The following POLE3 variants were observed in gnomAD, a reference collection of about 807,000 sequenced individuals.
The protein encoded by POLE3 is DNA polymerase epsilon 3, accessory subunit, also known as DNA polymerase epsilon subunit 3.
In POLE3, 10 loss-of-function variants were observed where a neutral mutation model predicts 16.1. The ratio of observed to expected loss-of-function variants is 0.62; its 90% CI spans 0.38 to 1.05. POLE3 has a LOEUF of 1.05. Among genes scored for constraint, POLE3 ranks in the 50% least tolerant of loss-of-function variants. The pLI is 0.01. For missense variants in POLE3, 169 were observed against 185.0 expected (o/e 0.91, Z 0.50); for synonymous variants, 83 against 71.0 (o/e 1.17, Z -0.85).
At chr9:113,410,730 G>T (rs903781738), upstream of POLE3, 16 of 232,696 alleles carry the variant, frequency 6.9e-5, no homozygotes, top group Non-Finnish European at 1.2e-4. Flanking sequence ...GGCTGACTCG[G>T]CGGGGCGGAT....
At chr9:113,409,842 G>A (rs1588094530) in intron 3 of POLE3, 114 bp from the exon 4 acceptor site, 2 of 818,794 alleles carry the variant, frequency 2.4e-6, no homozygotes, top group Middle Eastern at 3.1e-4. Flanking sequence ...GGATTTTGGT[G>A]TGACAGGGAT....
intron 3 of POLE3, 85 bp from the exon 4 acceptor site, chr9:113,409,813 G>T: frequency 1.1e-6 from 1 of 937,274 alleles, no homozygotes; most frequent in Non-Finnish European, 1.7e-6. Flanking sequence ...GAACGGGAAA[G>T]CCTGCCTCTT....
Position 113,407,585 on chromosome 9 carries a change from C to G in POLE3, c.*1226G>C, listed in dbSNP as rs2119030600. The stretch of plus-strand genomic sequence containing the variant: ...ATTAGCCAGGCTTGGTGGCACGCAT[C>G]TGTAGTCCCAGATACTCAGGAGGCT... On this transcript the variant is annotated 3_prime_UTR_variant, in exon 5 of 5. Transcript: ENST00000374171. 6.6e-6 allele frequency: 1 copy of G among 152,646 alleles called. No homozygotes were observed. The highest frequency in any genetic ancestry group is 1.9e-4 in the East Asian group (1 of 5,176). 9.5% of individuals were successfully genotyped at this position (152,646 alleles called of 1,614,324 possible).
intron 3 of POLE3, 141 bp from the exon 4 acceptor site, chr9:113,409,869 T>C (rs1828046737): frequency 1.3e-6 from 1 of 762,836 alleles, no homozygotes; most frequent in African/African-American, 1.7e-5. Context: ...TTCCCTTCTC[T>C]GCACAAAAAA....
chr9:113,409,001 G>C lies in POLE3; in HGVS notation c.272-18C>G, dbSNP rs991734290. 1 of 1,610,812 alleles carries C rather than the reference G, an allele frequency of 6.2e-7. No individual in the cohort carries two copies. The highest frequency in any genetic ancestry group is 1.3e-5 in the African/African-American group (1 of 74,768). Reference sequence around the variant, plus strand: ...CCTATATGCTGTAAGGACGGAACAAGGGGTTAGGAGACAGAGCTGAAAGTG... The same window carrying C: ...CCTATATGCTGTAAGGACGGAACAACGGGTTAGGAGACAGAGCTGAAAGTG... On this transcript the variant is annotated intron_variant, in intron 4 of 4. Transcript: ENST00000374171.
rs1293147694 is a variant in POLE3, at chr9:113,408,353, C to T, written c.*458G>A. On this transcript the variant is annotated 3_prime_UTR_variant, in exon 5 of 5. Coordinates refer to ENST00000374171, the MANE Select transcript of POLE3 (RefSeq NM_017443.5). The stretch of plus-strand genomic sequence containing the variant: ...CATTCTGAGCAGTCTTAGTAAGCTA[C>T]TATTGTCAAAGACTGTGCAATCAAA... 6.5e-6 allele frequency: 1 copy of T among 153,580 alleles called. No homozygotes were observed. Among genetic ancestry groups the T allele is most frequent in the Non-Finnish European group, 1.5e-5 (1 of 68,920 alleles). The allele number at this position is 153,580 out of a possible 1,614,324, so 9.5% of individuals were successfully genotyped here. A position where few individuals can be genotyped will look rare whatever the true frequency, so the allele number is the denominator to read the frequency against.
chr9:113,409,616 G>C lies in POLE3; in HGVS notation c.265C>G (p.Leu89Val), dbSNP rs1426247089. The change falls in exon 4 of 5, where the codon CTG becomes GTG. Residue 89 changes from leucine (L) to valine (V), a missense_variant. By Grantham distance (32) the Leu-to-Val change is conservative (BLOSUM62 1). Transcript: ENST00000374171. ...QRFVTPLKEA[L>V]EAYRREQKGK... ...AAGACAAGAGGCTCGTTACCTTCCA[G>C]AGCTTCTTTCAATGGGGTAACGAAC... is the stretch of plus-strand genomic sequence containing the variant. 2.0e-5 allele frequency: 31 copies of C among 1,586,422 alleles called. No homozygotes were observed. Among genetic ancestry groups the C allele is most frequent in the Non-Finnish European group, 2.7e-5 (31 of 1,155,032 alleles).
chr9:113,408,266 G>A lies in POLE3; in HGVS notation c.*545C>T, dbSNP rs1487302535. ...AATTCAGTTAATGCTTCTGTCAAGTGAAGAGAGAGAACGGATTTTGTTATT... is the reference window on the plus strand; with the variant it reads ...AATTCAGTTAATGCTTCTGTCAAGTAAAGAGAGAGAACGGATTTTGTTATT... On this transcript the variant is annotated 3_prime_UTR_variant, in exon 5 of 5. Coordinates refer to ENST00000374171, the MANE Select transcript of POLE3 (RefSeq NM_017443.5). The A allele has an allele frequency of 6.6e-6, 1 of 152,364 alleles. No homozygotes were observed. The highest frequency in any genetic ancestry group is 1.5e-5 in the Non-Finnish European group (1 of 68,150). The allele number at this position is 152,364 out of a possible 1,614,324, so 9.4% of individuals were successfully genotyped here. A position where few individuals can be genotyped will look rare whatever the true frequency, so the allele number is the denominator to read the frequency against.
At position 113,408,792 on chromosome 9, in the gene POLE3, C is replaced by G; in HGVS notation, c.*19G>C. On this transcript the variant is annotated 3_prime_UTR_variant, in exon 5 of 5. Coordinates refer to ENST00000374171, the MANE Select transcript of POLE3 (RefSeq NM_017443.5). ...ATTTCAAGTGGTACCTTCCAAGGTG[C>G]CACAGTCTCCCGCCCTTTTCAGTTG... The G allele has an allele frequency of 6.2e-7, 1 of 1,602,552 alleles. No homozygotes were observed. The highest frequency in any genetic ancestry group is 2.2e-5 in the East Asian group (1 of 44,788).
rs1827989319 is a variant in POLE3, at chr9:113,408,744, C to T, written c.*67G>A. 7.4e-7 allele frequency: 1 copy of T among 1,346,106 alleles called. No homozygotes were observed. Among genetic ancestry groups the T allele is most frequent in the East Asian group, 2.3e-5 (1 of 43,242 alleles). 83.4% of individuals were successfully genotyped at this position (1,346,106 alleles called of 1,614,324 possible). ...TACTCTGCCCAGCATGGAAAAGCTTCACAGAAACACGTAGCACGTCTCATT... is the reference window on the plus strand; with the variant it reads ...TACTCTGCCCAGCATGGAAAAGCTTTACAGAAACACGTAGCACGTCTCATT... On this transcript the variant is annotated 3_prime_UTR_variant, in exon 5 of 5. Coordinates refer to ENST00000374171, the MANE Select transcript of POLE3 (RefSeq NM_017443.5).
Position 113,408,633 on chromosome 9 carries a change from G to C in POLE3, c.*178C>G. 1 of 574,788 alleles carries C rather than the reference G, an allele frequency of 1.7e-6. No homozygotes were observed. Among genetic ancestry groups the C allele is most frequent in the South Asian group, 2.3e-5 (1 of 42,592 alleles). The allele number at this position is 574,788 out of a possible 1,614,324, so 35.6% of individuals were successfully genotyped here. A position where few individuals can be genotyped will look rare whatever the true frequency, so the allele number is the denominator to read the frequency against. On this transcript the variant is annotated 3_prime_UTR_variant, in exon 5 of 5. Transcript: ENST00000374171. ...AAGCAAAACAGGATTCTGCTACTCA[G>C]ATGCTCTGAGTTTGGTAAGTGCTGG... is the stretch of plus-strand genomic sequence containing the variant.
rs1219409775 is a variant in POLE3 at position 113,410,064 on chromosome 9, G to A, written c.143C>T (p.Ala48Val). The A allele has an allele frequency of 1.3e-6, 2 of 1,566,978 alleles. No homozygotes were observed. The highest frequency in any genetic ancestry group is 4.2e-4 in the Middle Eastern group (2 of 4,774). ...SRAASVFVLY[A>V]TSCANNFAMK... Reference sequence around the variant, plus strand: ...CCTCTGTCCCGCTCACCAGGATGTGGCGTACAGCACGAAGACGCTGGCGGC... The same window carrying A: ...CCTCTGTCCCGCTCACCAGGATGTGACGTACAGCACGAAGACGCTGGCGGC... Residue 48 changes from alanine (A) to valine (V), a missense_variant, in exon 3 of 5, where the codon GCC (alanine) becomes GTC (valine). Ala to Val is a moderately conservative substitution (Grantham distance 64). Transcript: ENST00000374171.
In POLE3 at chr9:113,407,873, A is replaced by C. The variant is rs975226225; in HGVS notation, c.*938T>G. 7 of 152,778 alleles carry C rather than the reference A, an allele frequency of 4.6e-5. No individual in the cohort carries two copies. Among genetic ancestry groups the C allele is most frequent in the African/African-American group, 1.7e-4 (7 of 41,432 alleles). 9.5% of individuals were successfully genotyped at this position (152,778 alleles called of 1,614,324 possible). ...GAGCAGAGGAGAGGCAGGAGAGAGA[A>C]AGGAAGCAGGAGGCACAGAGGGAGA... On this transcript the variant is annotated 3_prime_UTR_variant, in exon 5 of 5. Transcript: ENST00000374171.
chr9:113,409,701 C>T lies in POLE3; in HGVS notation c.180G>A (p.Lys60=). The change falls in exon 4 of 5, where the codon AAG becomes AAA. Residue 60 remains lysine, a synonymous_variant. Coordinates refer to ENST00000374171, the MANE Select transcript of POLE3 (RefSeq NM_017443.5). ...SCANNFAMKG[K]RKTLNASDVL... ...CATCACTGGCATTCAGCGTCTTCCG[C>T]TTTCCTTTCATTGCAAAGTTGTTAG... The T allele has an allele frequency of 6.2e-7, 1 of 1,613,236 alleles. No individual in the cohort carries two copies. The highest frequency in any genetic ancestry group is 1.1e-5 in the South Asian group (1 of 91,060).
intron 3 of POLE3, 99 bp from the exon 4 acceptor site, chr9:113,409,827 T>C: frequency 1.2e-6 from 1 of 865,674 alleles, no homozygotes; most frequent in Non-Finnish European, 1.9e-6. Flanking sequence ...GCCTCTTACA[T>C]GTATGGATTT....
At chr9:113,409,964 G>A (rs576047597) in intron 3 of POLE3, 91 bp downstream of exon 3, 11 of 1,050,340 alleles carry the variant, frequency 1.0e-5, no homozygotes, top group East Asian at 2.6e-5. Context: ...CCCCACCGAG[G>A]GAGAACACAA....
At position 113,408,805 on chromosome 9, in the gene POLE3, C is replaced by G; in HGVS notation, c.*6G>C. The G allele has an allele frequency of 6.2e-7, 1 of 1,611,794 alleles. No homozygotes were observed. The highest frequency in any genetic ancestry group is 2.2e-5 in the East Asian group (1 of 44,864). On this transcript the variant is annotated 3_prime_UTR_variant, in exon 5 of 5. Transcript: ENST00000374171. ...CCTTCCAAGGTGCCACAGTCTCCCG[C>G]CCTTTTCAGTTGTCTACTTCTTCCT...
chr9:113,409,066 G>A, intron 4 of POLE3, 83 bp from the exon 5 acceptor site: 2 of 1,344,202 alleles, frequency 1.5e-6, no homozygotes, highest in Non-Finnish European at 2.1e-6. Flanking sequence ...TTGTACAATT[G>A]GAAAAACGGA....
At position 113,410,058 on chromosome 9, in the gene POLE3, G is replaced by C; in HGVS notation, c.149C>G (p.Ser50Cys). Residue 50 changes from serine to cysteine, a missense_variant, in exon 3 of 5, where the codon TCC (serine) becomes TGC (cysteine). Physicochemically the swap from Ser to Cys is moderately radical, Grantham distance 112. Transcript: ENST00000374171. ...AASVFVLYATSCANNFAMKGK... is the reference protein window; with the variant it reads ...AASVFVLYATCCANNFAMKGK... ...CTTATGCCTCTGTCCCGCTCACCAG[G>C]ATGTGGCGTACAGCACGAAGACGCT... 6.4e-7 allele frequency: 1 copy of C among 1,562,670 alleles called. No homozygotes were observed. The highest frequency in any genetic ancestry group is 8.7e-7 in the Non-Finnish European group (1 of 1,153,586).
Sources: allele counts gnomAD v4.1 joint callset, GRCh38; gene constraint gnomAD v4.1.1; transcripts MANE v1.5; gene names NCBI Gene and HGNC (gene_info 2026-07-23, HGNC 2026-07-21).